The following CCDC149 variants were observed in gnomAD, a reference collection of about 807,000 sequenced individuals.
The protein encoded by CCDC149 is coiled-coil domain containing 149.
Under a neutral mutation model 59.9 loss-of-function variants are expected in CCDC149, and 45 were observed. The ratio of observed to expected loss-of-function variants is 0.75; its 90% CI spans 0.59 to 0.96. The LOEUF is 0.96. CCDC149 is among the 40% of genes least tolerant of loss of function. CCDC149 has a pLI of 0.00. For synonymous variants in CCDC149, 245 were observed against 260.6 expected (o/e 0.94, Z 0.58); for missense variants, 584 against 664.7 (o/e 0.88, Z 1.33).
chr4:24,880,744 T>C (rs1198016707), intron 1 of CCDC149, among the ~76,000 whole-genome samples: 6 of 152,184 alleles, frequency 3.9e-5, no homozygotes, highest in African/African-American at 1.2e-4. Flanking sequence ...GCTCAGGCTA[T>C]TTAGGCTCCC....
At chr4:24,866,627 T>C (rs375927544) in intron 3 of CCDC149, among the ~76,000 whole-genome samples, 16 of 152,238 alleles carry the variant, frequency 1.1e-4, no homozygotes, top group African/African-American at 3.8e-4. Context: ...GCAATCACTG[T>C]TGTCTCAATT....
rs556370342 is a variant in CCDC149 at position 24,876,793 on chromosome 4, C to T, written c.64-96G>A. ...TCACACACCCTGTGGGGAATTTTTG[C>T]CATTCTCATTTTTAGAGCTCATGTG... On this transcript the variant is annotated intron_variant, in intron 1 of 12. Coordinates refer to ENST00000635206, the MANE Select transcript of CCDC149 (RefSeq NM_001330643.2). 427 of 1,292,428 alleles carry T rather than the reference C, an allele frequency of 3.3e-4. No homozygotes were observed. The African/African-American group carries it at 5.6e-3, about 17-fold the overall frequency. 80.1% of individuals were successfully genotyped at this position (1,292,428 alleles called of 1,614,324 possible).
At chr4:24,848,681 G>C (rs763830768) in intron 4 of CCDC149, among the ~76,000 whole-genome samples, 21 of 151,898 alleles carry the variant, frequency 1.4e-4, no homozygotes, top group Non-Finnish European at 2.8e-4. Context: ...CTTCTTTTAA[G>C]TGAAAAGGTG....
intron 3 of CCDC149, among the ~76,000 whole-genome samples, chr4:24,873,161 AGTATGCACCCACAGAATG>A (rs1719156583): frequency 1.3e-5 from 2 of 149,938 alleles, no homozygotes; most frequent in Non-Finnish European, 3.0e-5. Context: ...CCCACAGAAC[AGTATGCACCCACAGAATG>A]GTATGCACCC....
intron 1 of CCDC149, among the ~76,000 whole-genome samples, chr4:24,978,523 C>T (rs1724319730): frequency 6.6e-6 from 1 of 152,008 alleles, no homozygotes; most frequent in African/African-American, 2.4e-5. Context: ...TCGTTGTTGG[C>T]GTGGGAGGTC....
chr4:24,834,932 G>C lies in CCDC149; in HGVS notation c.820+16C>G, dbSNP rs755510071. The C allele has an allele frequency of 8.8e-6, 14 of 1,591,008 alleles. No homozygotes were observed. The South Asian group carries it at 1.5e-4, about 18-fold the overall frequency. On this transcript the variant is annotated intron_variant, in intron 8 of 12. Transcript: ENST00000635206. The stretch of plus-strand genomic sequence containing the variant: ...TTACGCTCATGAGCGGTCTCTCCTG[G>C]AGCATGATATCCTACCTTGCTTTGC...
intron 1 of CCDC149, among the ~76,000 whole-genome samples, chr4:24,888,209 A>G (rs1394424881): frequency 1.3e-5 from 2 of 152,224 alleles, no homozygotes; most frequent in African/African-American, 2.4e-5. Context: ...CTCCTGGCCC[A>G]CAGTGTGTGC....
intron 3 of CCDC149, among the ~76,000 whole-genome samples, chr4:24,864,332 T>C (rs1718563231): frequency 6.6e-6 from 1 of 152,230 alleles, no homozygotes; most frequent in African/African-American, 2.4e-5. Flanking sequence ...CTGCTAATAA[T>C]GCCACTATTG....
At chr4:24,926,358 G>A (rs1722433754) in intron 1 of CCDC149, among the ~76,000 whole-genome samples, 1 of 152,176 alleles carries the variant, frequency 6.6e-6, no homozygotes, top group Admixed American at 6.5e-5. Context: ...AAACAGTTTT[G>A]CTAAACTTTC....
intron 1 of CCDC149, among the ~76,000 whole-genome samples, chr4:24,947,433 A>G (rs1361164064): frequency 6.6e-6 from 1 of 152,134 alleles, no homozygotes; most frequent in African/African-American, 2.4e-5. Context: ...GCCATGCTGA[A>G]CTGTGAGTCA....
At chr4:24,962,883 TA>T (rs1356984748) in intron 1 of CCDC149, among the ~76,000 whole-genome samples, 1 of 133,136 alleles carries the variant, frequency 7.5e-6, no homozygotes, top group Admixed American at 7.5e-5. Flanking sequence ...TAAAGTATAA[TA>T]AAAAAATAAA....
At chr4:24,951,222 T>C (rs751250337) in intron 1 of CCDC149, among the ~76,000 whole-genome samples, 3 of 152,216 alleles carry the variant, frequency 2.0e-5, no homozygotes, top group Non-Finnish European at 2.9e-5. Flanking sequence ...CAGATCTGCC[T>C]ACACCCAAGG....
chr4:24,976,054 A>T (rs1724178868), intron 1 of CCDC149, among the ~76,000 whole-genome samples: 2 of 151,466 alleles, frequency 1.3e-5, no homozygotes, highest in African/African-American at 4.9e-5. Flanking sequence ...GAAGGGAGGG[A>T]AGTGGAAAAG....
intron 1 of CCDC149, among the ~76,000 whole-genome samples, chr4:24,929,311 G>C (rs1722520255): frequency 6.6e-6 from 1 of 152,144 alleles, no homozygotes; most frequent in Non-Finnish European, 1.5e-5. Flanking sequence ...ATGAATCATG[G>C]TCTCCAGGAT....
intron 1 of CCDC149, among the ~76,000 whole-genome samples, chr4:24,977,375 T>G (rs1724251106): frequency 6.6e-6 from 1 of 152,180 alleles, no homozygotes; most frequent in Non-Finnish European, 1.5e-5. Context: ...TCAGGAAATA[T>G]CCATTTCTCC....
chr4:24,812,139 C>T (rs1028393102), intron 12 of CCDC149, among the ~76,000 whole-genome samples: 1 of 152,212 alleles, frequency 6.6e-6, no homozygotes, highest in Non-Finnish European at 1.5e-5. Context: ...ATCTCCTAAT[C>T]TCAAGATCCA....
intron 1 of CCDC149, among the ~76,000 whole-genome samples, chr4:24,925,811 A>G (rs1722421394): frequency 6.6e-6 from 1 of 152,224 alleles, no homozygotes; most frequent in South Asian, 2.1e-4. Context: ...ATATTTTCCC[A>G]GAGCCTATTT....
chr4:24,805,419 G>A (rs374927649), downstream of CCDC149, among the ~76,000 whole-genome samples: 3 of 152,110 alleles, frequency 2.0e-5, no homozygotes, highest in Non-Finnish European at 2.9e-5. Flanking sequence ...CAAACTCATC[G>A]GAAACATGAT....
intron 1 of CCDC149, among the ~76,000 whole-genome samples, chr4:24,941,344 C>T (rs1245160933): frequency 3.3e-5 from 5 of 152,132 alleles, no homozygotes; most frequent in Non-Finnish European, 5.9e-5. Context: ...TTCTTTGAAA[C>T]CGACGAGAAC....
Sources: allele counts gnomAD v4.1 joint callset (sites outside exome capture counted in the v4.1 genomes callset), GRCh38; gene constraint gnomAD v4.1.1; transcripts MANE v1.5; gene names NCBI Gene and HGNC (gene_info 2026-07-23, HGNC 2026-07-21).